CCDC122: variants seen among roughly 807,000 people sequenced by gnomAD.
The protein encoded by CCDC122 is coiled-coil domain-containing protein 122.
In CCDC122, 38 loss-of-function variants were observed where a neutral mutation model predicts 37.0. The observed-to-expected ratio is 1.03, with a 90% CI of 0.79 to 1.35. CCDC122 has a LOEUF of 1.35. Among genes scored for constraint, CCDC122 ranks in the 40% most tolerant of loss-of-function variants. CCDC122 has a pLI of 0.00. For synonymous variants in CCDC122, 83 were observed against 95.6 expected (o/e 0.87, Z 0.77); for missense variants, 305 against 310.0 (o/e 0.98, Z 0.12).
intron 6 of CCDC122, among the ~76,000 whole-genome samples, chr13:43,857,124 A>T (rs1360530044): frequency 1.3e-5 from 2 of 152,190 alleles, no homozygotes; most frequent in African/African-American, 2.4e-5. Flanking sequence ...TCAGTCTCTT[A>T]TTGCTAATGA....
intron 2 of CCDC122, 56 bp downstream of exon 2, chr13:43,874,786 C>T (rs756020380): frequency 6.6e-6 from 1 of 152,184 alleles, no homozygotes; most frequent in African/African-American, 2.4e-5. Context: ...GAAGTTAGAA[C>T]ATCATCAGAG....
chr13:43,858,789 C>G lies in CCDC122; in HGVS notation c.664G>C (p.Glu222Gln), dbSNP rs778994996. The change falls in exon 6 of 7, where the codon GAA becomes CAA. Residue 222 changes from glutamate to glutamine, a missense_variant. By Grantham distance (29) the Glu-to-Gln change is conservative. Coordinates refer to ENST00000444614, the MANE Select transcript of CCDC122 (RefSeq NM_144974.5). ...EKKTHEKLRK[E>Q]IEVQHKRYDA... ...AGATAATTAAGACTTACCTCTATTT[C>G]TTTTCTTAATTTTTCATGTGTCTTT... is the stretch of plus-strand genomic sequence containing the variant. The G allele has an allele frequency of 1.4e-6, 2 of 1,417,948 alleles. No individual in the cohort carries two copies. The highest frequency in any genetic ancestry group is 5.0e-5 in the East Asian group (2 of 39,822). The allele number at this position is 1,417,948 out of a possible 1,614,324, so 87.8% of individuals were successfully genotyped here. A position where few individuals can be genotyped will look rare whatever the true frequency, so the allele number is the denominator to read the frequency against.
At chr13:43,858,940 T>TGATCAATATAAATCCAA (rs1470032370) in intron 5 of CCDC122, 43 bp from the exon 6 acceptor site, 9 of 1,318,778 alleles carry the variant, frequency 6.8e-6, no homozygotes, top group Non-Finnish European at 9.0e-6. Context: ...CAAAAAAGGA[T>TGATCAATATAAATCCAA]GATCAATATA....
At chr13:43,819,460 A>G (rs1033854459), downstream of CCDC122, among the ~76,000 whole-genome samples, 1 of 152,346 alleles carries the variant, frequency 6.6e-6, no homozygotes, top group South Asian at 2.1e-4. Context: ...TAAAAGTTGA[A>G]TAATCCATGG....
chr13:43,841,803 T>G (rs1259111099), intron 6 of CCDC122, among the ~76,000 whole-genome samples: 1 of 152,144 alleles, frequency 6.6e-6, no homozygotes, highest in Non-Finnish European at 1.5e-5. Context: ...CTCGACCTCC[T>G]GGACTCAAGT....
intron 6 of CCDC122, among the ~76,000 whole-genome samples, chr13:43,847,683 G>A (rs927449152): frequency 6.6e-6 from 1 of 152,126 alleles, no homozygotes; most frequent in African/African-American, 2.4e-5. Context: ...TTCTACAAAA[G>A]AGAATAATTA....
chr13:43,827,720 C>A (rs1469899048), intron 3 of CCDC122, among the ~76,000 whole-genome samples: 1 of 152,166 alleles, frequency 6.6e-6, no homozygotes, highest in African/African-American at 2.4e-5. Flanking sequence ...TGGGCTTGAG[C>A]GTGCTCAGAT....
chr13:43,869,888 G>A (rs1022346640), intron 2 of CCDC122, among the ~76,000 whole-genome samples: 12 of 152,072 alleles, frequency 7.9e-5, no homozygotes, highest in Non-Finnish European at 1.6e-4. Context: ...TGCTATGGGT[G>A]TGGAATCCAG....
chr13:43,823,256 G>C (rs893523713), downstream of CCDC122, among the ~76,000 whole-genome samples: 1 of 152,066 alleles, frequency 6.6e-6, no homozygotes, highest in Non-Finnish European at 1.5e-5. Flanking sequence ...GGCTTGGAAA[G>C]AGGGGCCTCA....
intron 6 of CCDC122, among the ~76,000 whole-genome samples, chr13:43,847,326 T>C (rs1172492589): frequency 6.6e-6 from 1 of 152,126 alleles, no homozygotes; most frequent in Admixed American, 6.5e-5. Context: ...TAATAAGAGG[T>C]GAGAGTAATG....
chr13:43,859,722 G>A lies in CCDC122; in HGVS notation c.505C>T (p.Leu169Phe), dbSNP rs1053062607. The A allele has an allele frequency of 1.3e-6, 2 of 1,588,368 alleles. No homozygotes were observed. The highest frequency in any genetic ancestry group is 2.7e-5 in the African/African-American group (2 of 73,180). ...CCTGGATTTTGAAGATCTTGCATAAGTTCTTCTTTCATTGTCTTTAATTTT... is the reference window on the plus strand; with the variant it reads ...CCTGGATTTTGAAGATCTTGCATAAATTCTTCTTTCATTGTCTTTAATTTT... ...VKKLKTMKEELMQDLQNPGGN... is the reference protein window; with the variant it reads ...VKKLKTMKEEFMQDLQNPGGN... Residue 169 changes from leucine (L) to phenylalanine (F), a missense_variant, in exon 5 of 7, where the codon CTT (leucine) becomes TTT (phenylalanine). Transcript: ENST00000444614.
intron 4 of CCDC122, among the ~76,000 whole-genome samples, chr13:43,862,516 A>C (rs1435658898): frequency 2.0e-5 from 3 of 152,152 alleles, no homozygotes; most frequent in African/African-American, 7.2e-5. Flanking sequence ...GTAATACATC[A>C]ATCTTTGAAT....
In CCDC122 at chr13:43,860,072, T is replaced by C; in HGVS notation, c.157-2A>G. The C allele has an allele frequency of 2.1e-6, 3 of 1,434,576 alleles. No individual in the cohort carries two copies. Among genetic ancestry groups the C allele is most frequent in the Non-Finnish European group, 2.8e-6 (3 of 1,077,660 alleles). The allele number at this position is 1,434,576 out of a possible 1,614,324, so 88.9% of individuals were successfully genotyped here. ...TTTTTCAAGCTCATGAAGTTCATTC[T>C]GTAATACATTTTAACATTATCATTA... On this transcript the variant is annotated splice_acceptor_variant, in intron 4 of 6. Transcript: ENST00000444614. LOFTEE classifies it high-confidence loss of function.
intron 4 of CCDC122, among the ~76,000 whole-genome samples, chr13:43,865,094 C>T (rs965643476): frequency 7.2e-5 from 11 of 152,202 alleles, no homozygotes; most frequent in East Asian, 1.9e-4. Flanking sequence ...CCTATCCCCA[C>T]GCATCATCTC....
chr13:43,865,892 A>G (rs552444219), intron 4 of CCDC122, among the ~76,000 whole-genome samples: 47 of 152,316 alleles, frequency 3.1e-4, no homozygotes, highest in Middle Eastern at 3.4e-3. Context: ...CACTTAAAGT[A>G]AGTACTTTAC....
chr13:43,876,393 GTTC>G (rs1213090490), intron 1 of CCDC122, among the ~76,000 whole-genome samples: 2 of 152,176 alleles, frequency 1.3e-5, no homozygotes, highest in Non-Finnish European at 2.9e-5. Flanking sequence ...TGTCTGGTGA[GTTC>G]TTCAATAGTT....
chr13:43,861,385 G>C (rs1303203141), intron 4 of CCDC122, among the ~76,000 whole-genome samples: 1 of 152,154 alleles, frequency 6.6e-6, no homozygotes, highest in African/African-American at 2.4e-5. Context: ...AAAGGGTACG[G>C]ATAGACTAAC....
chr13:43,847,630 A>G (rs1318443971), intron 6 of CCDC122, among the ~76,000 whole-genome samples: 1 of 152,214 alleles, frequency 6.6e-6, no homozygotes, highest in Non-Finnish European at 1.5e-5. Flanking sequence ...GCATTCAATA[A>G]ATAATAATAG....
At chr13:43,848,643 A>G (rs1316177987) in intron 6 of CCDC122, 1 of 174,536 alleles carries the variant, frequency 5.7e-6, no homozygotes, top group Non-Finnish European at 1.1e-5. Flanking sequence ...ATATTTGAAA[A>G]GGCTCTTTTC....
Sources: gnomAD v4.1 joint callset for allele counts (sites outside exome capture counted in the v4.1 genomes callset) on GRCh38, gnomAD v4.1.1 for gene constraint, MANE v1.5 for transcripts, NCBI Gene and HGNC (gene_info 2026-07-23, HGNC 2026-07-21) for gene names.